The following COL4A4 variants were observed in gnomAD, a reference collection of about 807,000 sequenced individuals.
The protein encoded by COL4A4 is collagen alpha-4(IV) chain.
A neutral mutation model predicts 192.9 loss-of-function variants in COL4A4; 105 were observed. That is an observed-to-expected ratio of 0.54 (90% confidence interval 0.46 to 0.64). The LOEUF (loss-of-function observed/expected upper bound fraction) is 0.64. Ranked by LOEUF, COL4A4 falls within the 30% of genes least tolerant of loss-of-function variation. The pLI is 0.00. For missense variants in COL4A4, 1,967 were observed against 2,169.3 expected (o/e 0.91, Z 1.85); for synonymous variants, 762 against 769.9 (o/e 0.99, Z 0.17).
intron 3 of COL4A4, among the ~76,000 whole-genome samples, chr2:227,143,438 T>G (rs2041667880): frequency 6.6e-6 from 1 of 152,226 alleles, no homozygotes; most frequent in Non-Finnish European, 1.5e-5. Flanking sequence ...CGCATCGATT[T>G]GTATTGCTAC....
intron 8 of COL4A4, among the ~76,000 whole-genome samples, chr2:227,114,341 A>C (rs2061375360): frequency 6.6e-6 from 1 of 152,214 alleles, no homozygotes; most frequent in African/African-American, 2.4e-5. Flanking sequence ...ACACCAAATG[A>C]ATATGTGGCC....
At chr2:227,042,963 CT>C in intron 36 of COL4A4, 113 bp downstream of exon 36, 2 of 800,730 alleles carry the variant, frequency 2.5e-6, no homozygotes, top group Non-Finnish European at 4.3e-6. Context: ...AGTCACAGGT[CT>C]GGGAAATGGC....
Position 227,007,089 on chromosome 2 carries a change from T to C in COL4A4, c.*236A>G. ...AGTAAAGCCAGTTCTTCGATCATCC[T>C]CAGTAAAATAAGAGTATCTAGGCTC... On this transcript the variant is annotated 3_prime_UTR_variant, in exon 48 of 48. Transcript: ENST00000396625. 4.8e-6 allele frequency: 3 copies of C among 623,272 alleles called. No individual in the cohort carries two copies. Among genetic ancestry groups the C allele is most frequent in the Non-Finnish European group, 8.6e-6 (3 of 348,338 alleles). 38.6% of individuals were successfully genotyped at this position (623,272 alleles called of 1,614,324 possible). A position where few individuals can be genotyped will look rare whatever the true frequency, so the allele number is the denominator to read the frequency against.
intron 5 of COL4A4, among the ~76,000 whole-genome samples, chr2:227,120,611 T>A (rs2125027772): frequency 6.6e-6 from 1 of 152,260 alleles, no homozygotes; most frequent in Middle Eastern, 3.4e-3. Flanking sequence ...TCATTTATTA[T>A]AAGGTTCAAG....
Position 227,108,846 on chromosome 2 carries a change from C to G in COL4A4, c.680G>C (p.Arg227Pro), listed in dbSNP as rs368248078. The part of the protein sequence containing the change: ...GLVGPPGQPG[R>P]PGLKGNPGVG... The stretch of plus-strand genomic sequence containing the variant: ...ATGACTGCCTACCTTCAAACCTGGA[C>G]GCCCTGGTTGGCCCGGAGGTCCCTA... Residue 227 changes from arginine (R) to proline (P), a missense_variant, in exon 11 of 48, where the codon CGT (arginine) becomes CCT (proline). Physicochemically the swap from Arg to Pro is moderately radical, Grantham distance 103 (BLOSUM62 -2). Coordinates refer to ENST00000396625, the MANE Select transcript of COL4A4 (RefSeq NM_000092.5). 24 of 1,611,840 alleles carry G rather than the reference C, an allele frequency of 1.5e-5. No individual in the cohort carries two copies. The highest frequency in any genetic ancestry group is 2.0e-5 in the Non-Finnish European group (23 of 1,178,772).
intron 4 of COL4A4, among the ~76,000 whole-genome samples, chr2:227,139,871 G>A (rs2063081779): frequency 6.6e-6 from 1 of 152,060 alleles, no homozygotes; most frequent in Non-Finnish European, 1.5e-5. Context: ...TTTCAGGATG[G>A]TGACCCAGTA....
chr2:227,131,863 T>G (rs2062495641), intron 4 of COL4A4, among the ~76,000 whole-genome samples: 1 of 152,076 alleles, frequency 6.6e-6, no homozygotes, highest in Admixed American at 6.5e-5. Context: ...GTGAGGCCGC[T>G]AGGAACCAAG....
rs755709084 is a variant in COL4A4, at chr2:227,042,233, C to T, written c.3420G>A (p.Leu1140=). 8 of 1,613,184 alleles carry T rather than the reference C, an allele frequency of 5.0e-6. No homozygotes were observed. The highest frequency in any genetic ancestry group is 1.7e-5 in the Admixed American group (1 of 60,002). The change falls in exon 37 of 48, where the codon CTG becomes CTA. Residue 1140 remains leucine, a synonymous_variant. Coordinates refer to ENST00000396625, the MANE Select transcript of COL4A4 (RefSeq NM_000092.5). ...GCPGDHGMPG[L]RGQPGEMGDP... ...CTCCCATTTCTCCTGGCTGTCCCCT[C>T]AGCCCAGGCATCCCGTGATCACCTG...
At chr2:227,083,183 C>T (rs571723068) in intron 22 of COL4A4, among the ~76,000 whole-genome samples, 5 of 152,094 alleles carry the variant, frequency 3.3e-5, no homozygotes, top group African/African-American at 9.7e-5. Context: ...GAGCTGAGAT[C>T]GTGCCACTGT....
At position 227,007,551 on chromosome 2, in the gene COL4A4, A is replaced by C. The variant is rs1417970160; in HGVS notation, c.4847T>G (p.Leu1616Arg). The C allele has an allele frequency of 2.5e-6, 4 of 1,612,876 alleles. No homozygotes were observed. In the East Asian group the frequency reaches 6.7e-5, roughly 27 times the overall value. Residue 1616 changes from leucine to arginine, a missense_variant, in exon 48 of 48, where the codon CTT becomes CGT. Leu to Arg is a moderately radical substitution (Grantham distance 102). Transcript: ENST00000396625. ...TTCCAGGCAGCTGCCAGGTGACATAAGGGCCTGCCCTCCTCCTTGGTCCCC... is the reference window on the plus strand; with the variant it reads ...TTCCAGGCAGCTGCCAGGTGACATACGGGCCTGCCCTCCTCCTTGGTCCCC... ...GAGDQGGGQA[L>R]MSPGSCLEDF...
chr2:227,072,257 A>G (rs1378239318), intron 25 of COL4A4, among the ~76,000 whole-genome samples: 1 of 151,992 alleles, frequency 6.6e-6, no homozygotes, highest in Non-Finnish European at 1.5e-5. Context: ...AAGACCATTC[A>G]AGACTACTAT....
rs1559475915 is a variant in COL4A4, at chr2:227,041,776, AAGGAAGGAAGG to A, written c.3505+361_3505+371del. Among the ~76,000 whole-genome samples, 60 of 68,648 alleles carry A rather than the reference AAGGAAGGAAGG, an allele frequency of 8.7e-4. 2 individuals carry two copies. The highest frequency in any genetic ancestry group is 1.9e-3 in the African/African-American group (34 of 18,348). 45.0% of individuals were successfully genotyped at this position (68,648 alleles called of 152,430 possible). ...GAAGGAAGGAAGGAAGGAAGGAAGG[AAGGAAGGAAGG>A]GAAAGAAAGAAAGAAAGGAAGAAAG... On this transcript the variant is annotated intron_variant, in intron 37 of 47. Transcript: ENST00000396625.
chr2:226,982,405 G>T, the COL4A4 span, among the ~76,000 whole-genome samples: 1 of 152,158 alleles, frequency 6.6e-6, no homozygotes, highest in Admixed American at 6.6e-5. Flanking sequence ...ATTGATATTG[G>T]TATTTCTGGA....
At chr2:226,973,210 A>T in the COL4A4 span, among the ~76,000 whole-genome samples, 9 of 152,226 alleles carry the variant, frequency 5.9e-5, no homozygotes, top group Admixed American at 5.9e-4. Context: ...ATCTTCTTCC[A>T]AACTCATCCA....
At chr2:227,043,323 T>C in intron 35 of COL4A4, 139 bp from the exon 36 acceptor site, 1 of 761,348 alleles carries the variant, frequency 1.3e-6, no homozygotes, top group Admixed American at 2.0e-5. Context: ...GAAAATAACG[T>C]TAAGGAAAAA....
Position 227,008,257 on chromosome 2 carries a change from A to T in COL4A4, c.4570T>A (p.Tyr1524Asn). ...TGGCACACCTGGTGGATGTTGCAGT[A>T]GGCAAAGGGCAGCGTGCTAAATACG... is the stretch of plus-strand genomic sequence containing the variant. ...LPVFSTLPFA[Y>N]CNIHQVCHYA... The change falls in exon 47 of 48, where the codon TAC (tyrosine) becomes AAC (asparagine). Residue 1524 changes from tyrosine to asparagine, a missense_variant. Transcript: ENST00000396625. The T allele has an allele frequency of 6.2e-7, 1 of 1,614,250 alleles. No individual in the cohort carries two copies.
chr2:226,967,779 G>A, the COL4A4 span, among the ~76,000 whole-genome samples: 4 of 152,118 alleles, frequency 2.6e-5, no homozygotes, highest in African/African-American at 9.7e-5. Flanking sequence ...GTGTGTGTGA[G>A]AGGGCTTTTG....
chr2:227,088,848 A>G (rs376367776), intron 21 of COL4A4, 32 bp from the exon 22 acceptor site: 1 of 1,612,956 alleles, frequency 6.2e-7, no homozygotes, highest in South Asian at 1.1e-5. Context: ...GATTTGTCAT[A>G]TTTCCTGAAT....
chr2:227,158,618 A>T (rs1359406440), intron 1 of COL4A4, among the ~76,000 whole-genome samples: 2 of 152,142 alleles, frequency 1.3e-5, no homozygotes, highest in African/African-American at 4.8e-5. Flanking sequence ...AACTCTTACT[A>T]TTCAACAATA....
Sources: gnomAD v4.1 joint callset for allele counts (sites outside exome capture counted in the v4.1 genomes callset) on GRCh38, gnomAD v4.1.1 for gene constraint, MANE v1.5 for transcripts, NCBI Gene and HGNC (gene_info 2026-07-23, HGNC 2026-07-21) for gene names.